SCAPER: variants seen among roughly 807,000 people sequenced by gnomAD.
The protein encoded by SCAPER is S-phase cyclin A associated protein in the ER, also known as S phase cyclin A-associated protein in the endoplasmic reticulum.
In SCAPER, 98 loss-of-function variants were observed where a neutral mutation model predicts 182.2. That is an observed-to-expected ratio of 0.54 (90% CI 0.46 to 0.64). SCAPER has a LOEUF of 0.64. Among genes scored for constraint, SCAPER ranks in the 30% least tolerant of loss-of-function variants. The pLI, the probability that SCAPER is intolerant of heterozygous loss-of-function variation, is 0.00. For synonymous variants in SCAPER, 605 were observed against 564.6 expected (o/e 1.07, Z -1.01); for missense variants, 1,432 against 1,690.0 (o/e 0.85, Z 2.68).
At chr15:76,371,546 C>G (rs2042177200) in intron 29 of SCAPER, among the ~76,000 whole-genome samples, 1 of 151,654 alleles carries the variant, frequency 6.6e-6, no homozygotes, top group Non-Finnish European at 1.5e-5. Context: ...TCTCGAGCTC[C>G]TGACCCTGTG....
chr15:76,607,171 T>C (rs1374835715), intron 22 of SCAPER, among the ~76,000 whole-genome samples: 3 of 152,256 alleles, frequency 2.0e-5, no homozygotes, highest in South Asian at 4.1e-4. Context: ...TTCCTTTCCA[T>C]GTTTAGTGCT....
chr15:76,664,035 A>G (rs149796134), intron 21 of SCAPER, among the ~76,000 whole-genome samples: 1 of 152,318 alleles, frequency 6.6e-6, no homozygotes, highest in Non-Finnish European at 1.5e-5. Context: ...TTCATTGATA[A>G]GGTGACATTT....
chr15:76,726,401 TGCTGCTGAGAACATAAAAATGGTACA>T (rs1208255246), intron 17 of SCAPER, among the ~76,000 whole-genome samples: 4 of 151,436 alleles, frequency 2.6e-5, no homozygotes, highest in Non-Finnish European at 5.9e-5. Flanking sequence ...CCTTGTGCAA[TGCTGCTGAGAACATAAAAATGGTACA>T]GCTGCTATGA....
At chr15:76,644,907 G>A (rs987396934) in intron 21 of SCAPER, among the ~76,000 whole-genome samples, 3 of 151,702 alleles carry the variant, frequency 2.0e-5, no homozygotes, top group African/African-American at 7.3e-5. Flanking sequence ...TGTGCACAAT[G>A]TGAATTTTTA....
chr15:76,722,026 C>T (rs111956637), intron 17 of SCAPER, among the ~76,000 whole-genome samples: 12,494 of 152,110 alleles, frequency 0.082, 653 homozygotes, highest in East Asian at 0.12. Context: ...GGAATGCTTC[C>T]GGTTTTTGTC....
chr15:76,400,494 C>T (rs2044382865), intron 27 of SCAPER, among the ~76,000 whole-genome samples: 4 of 152,066 alleles, frequency 2.6e-5, no homozygotes, highest in Admixed American at 2.6e-4. Flanking sequence ...CAGGAGAAAA[C>T]AATCTGTAAA....
At chr15:76,617,010 C>A (rs966408221) in intron 22 of SCAPER, among the ~76,000 whole-genome samples, 2 of 152,110 alleles carry the variant, frequency 1.3e-5, no homozygotes, top group Non-Finnish European at 1.5e-5. Flanking sequence ...CCAATATTTT[C>A]TCCTACTGAT....
chr15:76,392,717 C>T (rs993107518), intron 27 of SCAPER, among the ~76,000 whole-genome samples: 4 of 152,176 alleles, frequency 2.6e-5, no homozygotes, highest in African/African-American at 7.2e-5. Context: ...CTCTTCTGCA[C>T]GCTGCCACAG....
intron 21 of SCAPER, among the ~76,000 whole-genome samples, chr15:76,650,157 T>C (rs899004056): frequency 2.5e-4 from 38 of 152,080 alleles, no homozygotes; most frequent in African/African-American, 9.2e-4. Context: ...AAAAGATACA[T>C]ATTTGAAACT....
chr15:76,688,913 A>C (rs1433610563), intron 20 of SCAPER, among the ~76,000 whole-genome samples: 1 of 136,374 alleles, frequency 7.3e-6, no homozygotes, highest in Non-Finnish European at 1.5e-5. Flanking sequence ...CCCTGGCACG[A>C]TCTCGGCTCA....
intron 20 of SCAPER, among the ~76,000 whole-genome samples, chr15:76,700,381 G>A (rs535053183): frequency 3.3e-5 from 5 of 152,184 alleles, no homozygotes; most frequent in Non-Finnish European, 5.9e-5. Flanking sequence ...TCAAATGTCC[G>A]TGGGGGTCAT....
intron 27 of SCAPER, among the ~76,000 whole-genome samples, chr15:76,399,615 C>T (rs542220881): frequency 6.6e-6 from 1 of 152,170 alleles, no homozygotes. Flanking sequence ...CAAAACTAAG[C>T]CTGGTACAAG....
At chr15:76,701,899 A>G (rs1252132027) in intron 19 of SCAPER, 34 bp from the exon 20 acceptor site, 4 of 1,481,212 alleles carry the variant, frequency 2.7e-6, no homozygotes, top group Non-Finnish European at 2.8e-6. Flanking sequence ...TGTAATCAAT[A>G]TAACATTATA....
chr15:76,702,949 T>C lies in SCAPER; in HGVS notation c.2301A>G (p.Lys767=), dbSNP rs910485546. The C allele has an allele frequency of 1.2e-6, 2 of 1,609,914 alleles. No individual in the cohort carries two copies. Among genetic ancestry groups the C allele is most frequent in the Non-Finnish European group, 1.7e-6 (2 of 1,178,650 alleles). ...HMEQIEQRKE[K]AAELSSGRHA... ...GTCGCCCACTGCTTAGCTCAGCAGCTTTTTCTTTTCTTTGTTCAATCTGTT... is the reference window on the plus strand; with the variant it reads ...GTCGCCCACTGCTTAGCTCAGCAGCCTTTTCTTTTCTTTGTTCAATCTGTT... The change falls in exon 19 of 32, where the codon AAA becomes AAG. Residue 767 remains lysine (K), a synonymous_variant. Transcript: ENST00000563290.
intron 24 of SCAPER, among the ~76,000 whole-genome samples, chr15:76,484,322 G>C (rs1244638363): frequency 6.6e-6 from 1 of 152,032 alleles, no homozygotes; most frequent in Non-Finnish European, 1.5e-5. Flanking sequence ...ATGAGTGGCT[G>C]ACCCCATAGA....
intron 27 of SCAPER, among the ~76,000 whole-genome samples, chr15:76,391,801 T>C (rs1474416506): frequency 1.3e-5 from 2 of 152,194 alleles, no homozygotes; most frequent in Admixed American, 6.5e-5. Flanking sequence ...CTTTTAACTC[T>C]AGACACAAAC....
chr15:76,448,108 C>T (rs536719841), intron 25 of SCAPER, among the ~76,000 whole-genome samples: 1 of 152,226 alleles, frequency 6.6e-6, no homozygotes, highest in South Asian at 2.1e-4. Context: ...ACTGTCAGAT[C>T]ACACAGGCCC....
intron 24 of SCAPER, among the ~76,000 whole-genome samples, chr15:76,491,692 T>C (rs1472726801): frequency 1.3e-5 from 2 of 152,156 alleles, no homozygotes; most frequent in African/African-American, 4.8e-5. Context: ...AGTGCAGTGG[T>C]GTGACCTAAG....
intron 23 of SCAPER, among the ~76,000 whole-genome samples, chr15:76,552,543 A>C (rs769478770): frequency 1.6e-4 from 25 of 152,080 alleles, no homozygotes; most frequent in Non-Finnish European, 2.5e-4. Context: ...AGGTGAGTTG[A>C]ATAGGTAAGC....
Sources: gnomAD v4.1 joint callset for allele counts (sites outside exome capture counted in the v4.1 genomes callset) on GRCh38, gnomAD v4.1.1 for gene constraint, MANE v1.5 for transcripts, NCBI Gene and HGNC (gene_info 2026-07-23, HGNC 2026-07-21) for gene names.